The following DMD variants were observed in gnomAD, a reference collection of about 807,000 sequenced individuals.
The protein encoded by DMD is mutant dystrophin.
DMD carries 63 observed loss-of-function variants against 330.1 expected under a neutral mutation model. The observed-to-expected ratio is 0.19, with a 90% CI of 0.16 to 0.24. DMD has a LOEUF of 0.24. Ranked by LOEUF, DMD falls within the 10% of genes least tolerant of loss-of-function variation. DMD has a pLI of 1.00. For missense variants in DMD, 3,344 were observed against 2,684.1 expected (o/e 1.25, Z -5.43); for synonymous variants, 1,223 against 959.8 (o/e 1.27, Z -5.07).
chrX:31,852,618 G>T (rs979736537), intron 48 of DMD, among the ~76,000 whole-genome samples: 5 of 111,471 alleles, frequency 4.5e-5, no homozygotes, highest in Non-Finnish European at 9.4e-5. Context: ...AAAAAAGTTG[G>T]CCAACACTGA....
chrX:32,636,732 G>T (rs745776526), intron 11 of DMD, among the ~76,000 whole-genome samples: 1 of 111,718 alleles, frequency 9.0e-6, no homozygotes, highest in Admixed American at 9.5e-5. Context: ...GGTGGCTCAT[G>T]CCTGTAATCC....
At chrX:31,260,689 A>G (rs1032499517) in intron 63 of DMD, among the ~76,000 whole-genome samples, 1 of 111,725 alleles carries the variant, frequency 9.0e-6, no homozygotes, top group African/African-American at 3.3e-5. Context: ...CCATCATTTT[A>G]GGCACCAAAG....
chrX:31,446,396 G>A (rs766083016), intron 59 of DMD, among the ~76,000 whole-genome samples: 6 of 111,436 alleles, frequency 5.4e-5, no homozygotes, highest in Non-Finnish European at 1.1e-4. Context: ...TGTACACTTT[G>A]AAAGAGTGAA....
At chrX:33,092,113 T>A (rs2095092991) in intron 1 of DMD, among the ~76,000 whole-genome samples, 1 of 111,684 alleles carries the variant, frequency 9.0e-6, no homozygotes, top group Non-Finnish European at 1.9e-5. Context: ...GACAGTCAAA[T>A]GCTCAATTAA....
intron 1 of DMD, among the ~76,000 whole-genome samples, chrX:33,113,452 G>A (rs1191269430): frequency 8.9e-6 from 1 of 112,177 alleles, no homozygotes; most frequent in African/African-American, 3.2e-5. Flanking sequence ...TAGAGTTCTT[G>A]ATCTTTGAAT....
chrX:32,922,912 T>C (rs2146591374), intron 2 of DMD, among the ~76,000 whole-genome samples: 1 of 112,658 alleles, frequency 8.9e-6, no homozygotes, highest in African/African-American at 3.2e-5. Flanking sequence ...AGTTACTCAC[T>C]GAATGAATAT....
chrX:32,652,031 G>GT (rs770288983), intron 9 of DMD, among the ~76,000 whole-genome samples: 33 of 111,400 alleles, frequency 3.0e-4, no homozygotes, highest in Non-Finnish European at 4.0e-4. Flanking sequence ...CGATGCTCCA[G>GT]TTAAGAAGAC....
chrX:32,653,562 C>G (rs981375273), intron 9 of DMD, among the ~76,000 whole-genome samples: 13 of 111,703 alleles, frequency 1.2e-4, no homozygotes, highest in African/African-American at 4.2e-4. Flanking sequence ...TTACTGTAGC[C>G]TTGTAGTATA....
chrX:32,947,725 G>A (rs1355594747), intron 2 of DMD, among the ~76,000 whole-genome samples: 1 of 111,144 alleles, frequency 9.0e-6, no homozygotes, highest in African/African-American at 3.3e-5. Context: ...ACAAAATTAA[G>A]GTAATGTAAA....
At chrX:31,197,787 C>A (rs967992963) in intron 67 of DMD, among the ~76,000 whole-genome samples, 5 of 111,426 alleles carry the variant, frequency 4.5e-5, no homozygotes, top group Admixed American at 2.9e-4. Flanking sequence ...TATCTGCACT[C>A]CCATGTTGAC....
At chrX:31,937,566 A>G (rs1233708607) in intron 45 of DMD, among the ~76,000 whole-genome samples, 9 of 111,905 alleles carry the variant, frequency 8.0e-5, no homozygotes, top group Non-Finnish European at 1.9e-5. Context: ...ACCTTGTTAT[A>G]ATCTGCTTTT....
At chrX:32,452,997 T>C (rs1478091016) in intron 26 of DMD, among the ~76,000 whole-genome samples, 3 of 110,994 alleles carry the variant, frequency 2.7e-5, no homozygotes, top group Non-Finnish European at 5.7e-5. Context: ...GGCTTTTCCT[T>C]ATGATTCAGT....
intron 1 of DMD, among the ~76,000 whole-genome samples, chrX:33,206,691 G>C (rs2051591262): frequency 9.0e-6 from 1 of 110,908 alleles, no homozygotes; most frequent in Non-Finnish European, 1.9e-5. Flanking sequence ...CAAGTATTTT[G>C]AACGAGTGAT....
intron 44 of DMD, among the ~76,000 whole-genome samples, chrX:32,202,335 C>T (rs1569550604): frequency 2.7e-5 from 3 of 111,676 alleles, no homozygotes; most frequent in African/African-American, 9.8e-5. Context: ...CCATCTTAAT[C>T]GCATTCACTG....
intron 2 of DMD, among the ~76,000 whole-genome samples, chrX:32,861,367 G>A (rs1382278942): frequency 1.8e-5 from 2 of 111,361 alleles, no homozygotes; most frequent in East Asian, 5.6e-4. Flanking sequence ...ATGGTACCTA[G>A]CATAGAAAAT....
At chrX:32,749,433 G>T (rs2070505473) in intron 7 of DMD, among the ~76,000 whole-genome samples, 1 of 111,966 alleles carries the variant, frequency 8.9e-6, no homozygotes, top group South Asian at 3.7e-4. Context: ...CTTTTTAACA[G>T]CCAACCTGAG....
At chrX:31,379,244 G>T (rs1011699901) in intron 60 of DMD, among the ~76,000 whole-genome samples, 2 of 110,263 alleles carry the variant, frequency 1.8e-5, no homozygotes, top group Non-Finnish European at 3.8e-5. Context: ...TATCACCTCC[G>T]CTCCTCACAC....
chrX:32,192,221 A>G (rs2096979388), intron 44 of DMD, among the ~76,000 whole-genome samples: 1 of 111,880 alleles, frequency 8.9e-6, no homozygotes, highest in Admixed American at 9.5e-5. Flanking sequence ...AAAGCCAAGT[A>G]TGCATAGTCT....
intron 7 of DMD, among the ~76,000 whole-genome samples, chrX:32,714,438 A>AAAATTATTT (rs2065482171): frequency 9.0e-6 from 1 of 111,372 alleles, no homozygotes; most frequent in South Asian, 3.7e-4. Context: ...TCTGTTTCTG[A>AAAATTATTT]CTTATTTCAC....
Sources: gnomAD v4.1 joint callset for allele counts (sites outside exome capture counted in the v4.1 genomes callset) on GRCh38, gnomAD v4.1.1 for gene constraint, MANE v1.5 for transcripts, NCBI Gene and HGNC (gene_info 2026-07-23, HGNC 2026-07-21) for gene names.